The following C3orf18 variants were observed in gnomAD, a reference collection of about 807,000 sequenced individuals.
The protein encoded by C3orf18 is chromosome 3 open reading frame 18, also known as uncharacterized protein C3orf18.
A neutral mutation model predicts 14.1 loss-of-function variants in C3orf18; 12 were observed. The ratio of observed to expected loss-of-function variants is 0.85; its 90% confidence interval spans 0.55 to 1.38. The LOEUF (loss-of-function observed/expected upper bound fraction) is 1.38, where lower values mean the gene tolerates loss of function less well. Ranked by LOEUF, C3orf18 falls within the 40% of genes most tolerant of loss-of-function variation. C3orf18 has a pLI of 0.00. For missense variants in C3orf18, 196 were observed against 213.9 expected (o/e 0.92, Z 0.52); for synonymous variants, 82 against 87.9 (o/e 0.93, Z 0.38).
intron 4 of C3orf18, among the ~76,000 whole-genome samples, chr3:50,561,498 C>A (rs779370255): frequency 3.3e-5 from 5 of 152,224 alleles, no homozygotes; most frequent in Non-Finnish European, 5.9e-5. Flanking sequence ...CAGGATTATA[C>A]CCAGTTATCT....
At chr3:50,574,089 G>T (rs1427461012), upstream of C3orf18, among the ~76,000 whole-genome samples, 1 of 152,216 alleles carries the variant, frequency 6.6e-6, no homozygotes, top group African/African-American at 2.4e-5. Flanking sequence ...TCTTGATGGG[G>T]TATGGAGTCC....
intron 3 of C3orf18, among the ~76,000 whole-genome samples, chr3:50,564,119 G>A (rs986431598): frequency 7.9e-5 from 12 of 152,230 alleles, no homozygotes; most frequent in African/African-American, 1.4e-4. Context: ...CTCCAACCAG[G>A]CCATGATGGG....
chr3:50,572,454 G>T (rs748580065), upstream of C3orf18, among the ~76,000 whole-genome samples: 4 of 152,238 alleles, frequency 2.6e-5, no homozygotes, highest in African/African-American at 9.6e-5. Flanking sequence ...GGCCCAGAGT[G>T]CCTCAAATAG....
Position 50,559,265 on chromosome 3 carries a change from CAG to C in C3orf18, c.*390_*391del. ...TTCCAAAAAACAGGTCTCTCCCTAACAGAGGGAAACCTCCCCTTTCCTCCCCC... is the reference window on the plus strand; with the variant it reads ...TTCCAAAAAACAGGTCTCTCCCTAACAGGGAAACCTCCCCTTTCCTCCCCC... On this transcript the variant is annotated 3_prime_UTR_variant, in exon 6 of 6. Transcript: ENST00000357203. The C allele has an allele frequency of 1.6e-6, 2 of 1,253,580 alleles. No homozygotes were observed. Among genetic ancestry groups the C allele is most frequent in the Non-Finnish European group, 2.1e-6 (2 of 975,430 alleles). The allele number at this position is 1,253,580 out of a possible 1,614,324, so 77.7% of individuals were successfully genotyped here.
At chr3:50,571,049 C>T (rs2227292), upstream of C3orf18, 32,502 of 1,360,890 alleles carry the variant, frequency 0.024, 4,832 homozygotes, top group East Asian at 0.33. Flanking sequence ...CAGCAGCTGA[C>T]ATCATAAAGC....
chr3:50,562,957 C>CG (rs1448286244), intron 3 of C3orf18, among the ~76,000 whole-genome samples: 8 of 152,068 alleles, frequency 5.3e-5, no homozygotes, highest in African/African-American at 1.7e-4. Flanking sequence ...CCACCTTGGG[C>CG]GGGGAATCCA....
upstream of C3orf18, among the ~76,000 whole-genome samples, chr3:50,572,584 G>T (rs984351314): frequency 3.3e-5 from 5 of 152,336 alleles, no homozygotes; most frequent in South Asian, 8.3e-4. Context: ...GAAGTGGAGA[G>T]GGCTCCAGCC....
At chr3:50,572,282 C>A (rs1462457490), upstream of C3orf18, 1 of 1,544,926 alleles carries the variant, frequency 6.5e-7, no homozygotes, top group East Asian at 2.4e-5. Flanking sequence ...CCCCAGGCTT[C>A]CTCCAGGGGG....
intron 5 of C3orf18, among the ~76,000 whole-genome samples, chr3:50,560,078 C>T (rs1699873325): frequency 6.6e-6 from 1 of 152,188 alleles, no homozygotes; most frequent in Non-Finnish European, 1.5e-5. Context: ...ATCAAGTGGC[C>T]AGAAGTCCCA....
Position 50,565,626 on chromosome 3 carries a change from G to T in C3orf18, c.74C>A (p.Pro25His), listed in dbSNP as rs1373601000. 1 of 1,613,682 alleles carries T rather than the reference G, an allele frequency of 6.2e-7. No individual in the cohort carries two copies. Among genetic ancestry groups the T allele is most frequent in the Non-Finnish European group, 8.5e-7 (1 of 1,180,042 alleles). Residue 25 changes from proline to histidine, a missense_variant, in exon 3 of 6, where the codon CCT becomes CAT. Physicochemically the swap from Pro to His is moderately conservative, Grantham distance 77 (BLOSUM62 -2). Transcript: ENST00000357203. This position sits in a 1 kb window ranked among gnomAD's most constrained non-coding sequence, Gnocchi z 4.4. Reference sequence around the variant, plus strand: ...CTCGGAGGCTGGCCCATCTGTGGCAGGTTCCAGGTCAGACTCAGAGGTGGG... The same window carrying T: ...CTCGGAGGCTGGCCCATCTGTGGCATGTTCCAGGTCAGACTCAGAGGTGGG... ...RPPTSESDLE[P>H]ATDGPASETT...
In C3orf18 at chr3:50,566,025, CCT is replaced by C. The variant is rs1391860364; in HGVS notation, c.-184_-183del. On this transcript the variant is annotated 5_prime_UTR_variant, in exon 2 of 6. An upstream open reading frame in the 5' UTR loses its in-frame stop. Coordinates refer to ENST00000357203, the MANE Select transcript of C3orf18 (RefSeq NM_016210.5). ...ACATACTTTACGTATCTACGGTGCC[CCT>C]GTTTTTGGGAACAAAAATGAAGCCC... 1.2e-5 allele frequency: 3 copies of C among 254,146 alleles called. No homozygotes were observed. Among genetic ancestry groups the C allele is most frequent in the Non-Finnish European group, 7.6e-6 (1 of 131,752 alleles). The allele number at this position is 254,146 out of a possible 1,614,324, so 15.7% of individuals were successfully genotyped here. A position where few individuals can be genotyped will look rare whatever the true frequency, so the allele number is the denominator to read the frequency against.
intron 1 of C3orf18, among the ~76,000 whole-genome samples, chr3:50,567,108 T>G (rs1466453365): frequency 1.3e-5 from 2 of 152,160 alleles, no homozygotes; most frequent in Non-Finnish European, 2.9e-5. Flanking sequence ...GCCTTCTCCC[T>G]CCAGCTAGGC....
Position 50,565,856 on chromosome 3 carries a change from T to A in C3orf18, c.-157A>T. ...GGATAAAGGGAGCCCCCTGCCTTCC[T>A]GGGTGCTAGAAAGGAAAGAATAAGA... On this transcript the variant is annotated 5_prime_UTR_variant, in exon 3 of 6. Transcript: ENST00000357203. The surrounding 1 kb of genome is among the most constrained non-coding windows in gnomAD (Gnocchi z 4.4). The A allele has an allele frequency of 1.7e-6, 1 of 605,340 alleles. No individual in the cohort carries two copies. Among genetic ancestry groups the A allele is most frequent in the East Asian group, 2.8e-5 (1 of 36,306 alleles). The allele number at this position is 605,340 out of a possible 1,614,324, so 37.5% of individuals were successfully genotyped here. A position where few individuals can be genotyped will look rare whatever the true frequency, so the allele number is the denominator to read the frequency against.
At chr3:50,570,357 G>A (rs1575880512), upstream of C3orf18, 1 of 152,152 alleles carries the variant, frequency 6.6e-6, no homozygotes, top group Non-Finnish European at 1.5e-5. Context: ...GGTGGTTTAC[G>A]CTGATGTCCC....
At chr3:50,569,871 G>A (rs1700715149), upstream of C3orf18, 1 of 151,396 alleles carries the variant, frequency 6.6e-6, no homozygotes, top group South Asian at 2.1e-4. Flanking sequence ...GTCTCTCTCT[G>A]GCACCCAGGC....
chr3:50,566,936 G>A (rs1309791656), intron 1 of C3orf18, among the ~76,000 whole-genome samples: 1 of 152,182 alleles, frequency 6.6e-6, no homozygotes, highest in Non-Finnish European at 1.5e-5. Context: ...TACCTAGCTC[G>A]TGGGTGCATA....
upstream of C3orf18, chr3:50,571,080 A>C: frequency 3.3e-6 from 5 of 1,536,144 alleles, no homozygotes; most frequent in Non-Finnish European, 4.4e-6. Flanking sequence ...ACCTGGAAGC[A>C]CTCTGGAGAA....
upstream of C3orf18, chr3:50,571,364 G>A (rs759089295): frequency 4.8e-6 from 7 of 1,457,120 alleles, no homozygotes; most frequent in Non-Finnish European, 5.6e-6. Flanking sequence ...AGGACAGGAA[G>A]AGGGAGGAGG....
intron 3 of C3orf18, chr3:50,562,514 A>G (rs1211811269): frequency 6.6e-6 from 3 of 454,720 alleles, no homozygotes; most frequent in African/African-American, 2.0e-5. Flanking sequence ...CCAGTTACTC[A>G]AGAGGCTGAG....
Sources: allele counts gnomAD v4.1 joint callset (sites outside exome capture counted in the v4.1 genomes callset), GRCh38; gene constraint gnomAD v4.1.1; non-coding constraint Gnocchi (gnomAD v3.1); transcripts MANE v1.5; gene names NCBI Gene and HGNC (gene_info 2026-07-23, HGNC 2026-07-21).